SCHIP1: variants seen among roughly 807,000 people sequenced by gnomAD.
SCHIP1 encodes the protein schwannomin-interacting protein 1.
A neutral mutation model predicts 29.7 loss-of-function variants in SCHIP1; 8 were observed. The ratio of observed to expected loss-of-function variants is 0.27; its 90% confidence interval spans 0.16 to 0.49. The LOEUF (loss-of-function observed/expected upper bound fraction) is 0.49. Ranked by LOEUF, SCHIP1 falls within the 20% of genes least tolerant of loss-of-function variation. The pLI, the probability that SCHIP1 is intolerant of heterozygous loss-of-function variation, is 0.99. For missense variants in SCHIP1, 193 were observed against 294.6 expected (o/e 0.66, Z 2.52); for synonymous variants, 76 against 94.9 (o/e 0.80, Z 1.16).
chr3:159,463,308 G>C, the SCHIP1 span, among the ~76,000 whole-genome samples: 2 of 152,052 alleles, frequency 1.3e-5, no homozygotes, highest in African/African-American at 4.8e-5. Flanking sequence ...AATTATAATA[G>C]AGGCAAATTT....
the SCHIP1 span, among the ~76,000 whole-genome samples, chr3:159,314,959 A>G: frequency 6.6e-6 from 1 of 152,198 alleles, no homozygotes; most frequent in Non-Finnish European, 1.5e-5. Flanking sequence ...CTGTGCGGCT[A>G]TGAACATTCT....
the SCHIP1 span, among the ~76,000 whole-genome samples, chr3:159,486,702 C>T: frequency 6.6e-6 from 1 of 152,192 alleles, no homozygotes; most frequent in Non-Finnish European, 1.5e-5. Flanking sequence ...TTATGTCACA[C>T]AGAAGATGCA....
At chr3:159,300,112 G>GTTTTTT in the SCHIP1 span, among the ~76,000 whole-genome samples, 2 of 47,634 alleles carry the variant, frequency 4.2e-5, no homozygotes, top group African/African-American at 1.5e-4. Flanking sequence ...AGGGAAAGCT[G>GTTTTTT]CTTTTTTTTT....
rs143288217 is a variant in SCHIP1, at chr3:159,887,381, G to C, written c.268-327G>C. 162 of 274,994 alleles carry C rather than the reference G, an allele frequency of 5.9e-4. 1 individual carries two copies. Among genetic ancestry groups the C allele is most frequent in the African/African-American group, 3.2e-3 (147 of 46,232 alleles). The allele number at this position is 274,994 out of a possible 1,614,324, so 17.0% of individuals were successfully genotyped here. ...GATCCTGTCCACGCAAAGAACCTAC[G>C]TAGGGCCTTGGCTTCGAGTCAATAT... is the stretch of plus-strand genomic sequence containing the variant. On this transcript the variant is annotated intron_variant, in intron 3 of 6. Coordinates refer to ENST00000445224, the Ensembl canonical transcript of SCHIP1.
chr3:159,519,870 A>AAT, the SCHIP1 span, among the ~76,000 whole-genome samples: 518 of 148,254 alleles, frequency 3.5e-3, 7 homozygotes, highest in African/African-American at 0.011. Context: ...AGAAAAAAAA[A>AAT]ATATATATAT....
At chr3:159,586,429 A>G in the SCHIP1 span, among the ~76,000 whole-genome samples, 11 of 152,212 alleles carry the variant, frequency 7.2e-5, no homozygotes, top group Non-Finnish European at 2.9e-5. Flanking sequence ...GAATTGAAAG[A>G]ATGCAGAAAG....
At chr3:159,392,272 T>C in the SCHIP1 span, among the ~76,000 whole-genome samples, 1 of 152,190 alleles carries the variant, frequency 6.6e-6, no homozygotes, top group Non-Finnish European at 1.5e-5. Flanking sequence ...CATGTAAACA[T>C]GGCTGAGATT....
At chr3:159,753,856 ACCTTTATTCAAG>A in the SCHIP1 span, among the ~76,000 whole-genome samples, 3 of 151,818 alleles carry the variant, frequency 2.0e-5, no homozygotes, top group East Asian at 5.8e-4. Context: ...CATCCTCAAA[ACCTTTATTCAAG>A]CCTTTATTCA....
At chr3:159,779,392 G>A in the SCHIP1 span, among the ~76,000 whole-genome samples, 1 of 151,840 alleles carries the variant, frequency 6.6e-6, no homozygotes, top group Admixed American at 6.6e-5. Flanking sequence ...CCCCGGCCAG[G>A]TGCAGTGGCT....
the SCHIP1 span, among the ~76,000 whole-genome samples, chr3:159,302,272 C>T: frequency 1.3e-5 from 2 of 152,088 alleles, no homozygotes; most frequent in Non-Finnish European, 2.9e-5. Flanking sequence ...AATCTCAGTC[C>T]TGAGCAATTA....
the SCHIP1 span, among the ~76,000 whole-genome samples, chr3:159,647,413 TGAA>T: frequency 6.6e-6 from 1 of 152,040 alleles, no homozygotes; most frequent in Non-Finnish European, 1.5e-5. Context: ...GTCACTGGAT[TGAA>T]GAAGAAAAAC....
the SCHIP1 span, among the ~76,000 whole-genome samples, chr3:159,704,417 T>TAACA: frequency 1.1e-5 from 1 of 92,620 alleles, no homozygotes; most frequent in Non-Finnish European, 2.1e-5. Context: ...CAATTTTTTC[T>TAACA]AAAAAAAAAA....
At chr3:159,772,736 T>TTTTA in the SCHIP1 span, among the ~76,000 whole-genome samples, 9 of 152,278 alleles carry the variant, frequency 5.9e-5, no homozygotes, top group Admixed American at 5.2e-4. Context: ...TGCATTTGCA[T>TTTTA]TTTATTTATT....
chr3:159,799,811 T>C, the SCHIP1 span, among the ~76,000 whole-genome samples: 8 of 152,306 alleles, frequency 5.3e-5, no homozygotes, highest in Middle Eastern at 0.01. Context: ...ATTTTAAAAT[T>C]TGGACTTTAT....
At chr3:159,341,517 G>A in the SCHIP1 span, among the ~76,000 whole-genome samples, 1 of 152,090 alleles carries the variant, frequency 6.6e-6, no homozygotes, top group Non-Finnish European at 1.5e-5. Context: ...TGGGATTCCT[G>A]AGGGTACCAT....
chr3:159,583,557 G>A, the SCHIP1 span, among the ~76,000 whole-genome samples: 4 of 152,116 alleles, frequency 2.6e-5, no homozygotes, highest in Non-Finnish European at 5.9e-5. Flanking sequence ...TGGAAAAGGT[G>A]CACTGTCTCC....
the SCHIP1 span, among the ~76,000 whole-genome samples, chr3:159,827,730 G>C: frequency 6.6e-6 from 1 of 151,782 alleles, no homozygotes; most frequent in South Asian, 2.1e-4. Context: ...GCGTGAACCC[G>C]GGAAGCGGAG....
chr3:159,630,680 C>A, the SCHIP1 span, among the ~76,000 whole-genome samples: 1 of 143,568 alleles, frequency 7.0e-6, no homozygotes, highest in Non-Finnish European at 1.5e-5. Context: ...TATGAGGACA[C>A]AAAGGTATAA....
At chr3:159,450,208 T>G in the SCHIP1 span, among the ~76,000 whole-genome samples, 1 of 152,218 alleles carries the variant, frequency 6.6e-6, no homozygotes, top group Non-Finnish European at 1.5e-5. Flanking sequence ...TGACCATGTT[T>G]TTGGTGGACA....
Sources: allele counts gnomAD v4.1 joint callset (sites outside exome capture counted in the v4.1 genomes callset), GRCh38; gene constraint gnomAD v4.1.1; transcripts MANE v1.5; gene names NCBI Gene and HGNC (gene_info 2026-07-23, HGNC 2026-07-21).